GLIS3: variants seen among roughly 807,000 people sequenced by gnomAD.
GLIS3 encodes GLIS family zinc finger 3.
GLIS3 carries 53 observed loss-of-function variants against 78.6 expected under a neutral mutation model. The observed-to-expected ratio is 0.67, with a 90% CI of 0.54 to 0.85. GLIS3 has a LOEUF of 0.85. Among genes scored for constraint, GLIS3 ranks in the 40% least tolerant of loss-of-function variants. GLIS3 has a pLI of 0.00. For synonymous variants in GLIS3, 684 were observed against 509.9 expected (o/e 1.34, Z -4.60); for missense variants, 1,703 against 1,231.1 (o/e 1.38, Z -5.74).
At chr9:4,409,491 A>G in the GLIS3 span, among the ~76,000 whole-genome samples, 2,281 of 152,328 alleles carry the variant, frequency 0.015, 61 homozygotes, top group African/African-American at 0.052. Flanking sequence ...TGCCCTTGTC[A>G]TAATTACAGG....
At chr9:3,916,131 A>G (rs1417738248) in intron 6 of GLIS3, among the ~76,000 whole-genome samples, 4 of 152,236 alleles carry the variant, frequency 2.6e-5, no homozygotes, top group Non-Finnish European at 4.4e-5. Flanking sequence ...CATAGAAACT[A>G]AAGCCTGTGC....
intron 4 of GLIS3, among the ~76,000 whole-genome samples, chr9:3,965,822 A>G (rs561709350): frequency 4.5e-4 from 68 of 152,352 alleles, no homozygotes; most frequent in Non-Finnish European, 8.1e-4. Flanking sequence ...CTGCTTATTT[A>G]GACCCCAGGA....
chr9:4,214,359 C>T (rs999762080), intron 2 of GLIS3, among the ~76,000 whole-genome samples: 2 of 152,208 alleles, frequency 1.3e-5, no homozygotes, highest in African/African-American at 4.8e-5. Context: ...TAAGGAAAAA[C>T]ATCTTCTGGA....
chr9:4,118,442 C>G lies in GLIS3; in HGVS notation c.1036G>C (p.Glu346Gln), dbSNP rs779770600. ...ACGCCCAGGAAATGCCCGTAGACCT[C>G]CGGCTGCGGGGACAGGTTGGCCGGC... The part of the protein sequence containing the change: ...ASPANLSPQP[E>Q]VYGHFLGVRG... Residue 346 changes from glutamate to glutamine, a missense_variant, in exon 4 of 11, where the codon GAG becomes CAG. Glu to Gln is a conservative substitution (Grantham distance 29). Coordinates refer to ENST00000381971, the MANE Select transcript of GLIS3 (RefSeq NM_001042413.2). This position sits in a 1 kb window ranked among gnomAD's most constrained non-coding sequence, Gnocchi z 4.7. 6.2e-7 allele frequency: 1 copy of G among 1,612,534 alleles called. No homozygotes were observed.
At chr9:4,412,919 CCTATGTCAG>C in the GLIS3 span, among the ~76,000 whole-genome samples, 2 of 152,152 alleles carry the variant, frequency 1.3e-5, no homozygotes, top group African/African-American at 4.8e-5. Flanking sequence ...AGATGAAAGA[CCTATGTCAG>C]CTTGGATCCC....
chr9:3,834,946 T>G (rs1348314184), intron 9 of GLIS3, among the ~76,000 whole-genome samples: 1 of 152,186 alleles, frequency 6.6e-6, no homozygotes, highest in Non-Finnish European at 1.5e-5. Flanking sequence ...GGCCTAGCTC[T>G]CCATGTGCAC....
chr9:4,118,140 C>A lies in GLIS3; in HGVS notation c.1338G>T (p.Ala446=), dbSNP rs769275994. ...FPGSTVDLPP[A]PPLPPLPPPP... ...GCGGCGGCAGAGGAGGGAGCGGAGG[C>A]GCGGGGGGTAGGTCTACGGTGCTGC... is the stretch of plus-strand genomic sequence containing the variant. Residue 446 remains alanine (A), a synonymous_variant, in exon 4 of 11, where the codon GCG becomes GCT. Coordinates refer to ENST00000381971, the MANE Select transcript of GLIS3 (RefSeq NM_001042413.2). The surrounding 1 kb of genome is among the most constrained non-coding windows in gnomAD (Gnocchi z 4.7). The A allele has an allele frequency of 1.3e-6, 2 of 1,547,336 alleles. No individual in the cohort carries two copies. The highest frequency in any genetic ancestry group is 1.7e-6 in the Non-Finnish European group (2 of 1,145,730).
chr9:4,043,426 G>A (rs12552430), intron 4 of GLIS3, among the ~76,000 whole-genome samples: 45,568 of 151,934 alleles, frequency 0.3, 8,106 homozygotes, highest in Middle Eastern at 0.46. Flanking sequence ...ATTGAGCTGT[G>A]GTAGGATTCC....
chr9:4,213,462 T>C (rs1027827481), intron 2 of GLIS3, among the ~76,000 whole-genome samples: 1 of 152,244 alleles, frequency 6.6e-6, no homozygotes, highest in Non-Finnish European at 1.5e-5. Context: ...GAACTTCTGA[T>C]GATGATGGAA....
chr9:4,085,339 T>C (rs1456493071), intron 4 of GLIS3, among the ~76,000 whole-genome samples: 1 of 152,188 alleles, frequency 6.6e-6, no homozygotes, highest in African/African-American at 2.4e-5. Context: ...TTTCTTACTC[T>C]GCATTTTGAA....
the GLIS3 span, among the ~76,000 whole-genome samples, chr9:4,485,223 C>T: frequency 1.3e-5 from 2 of 152,086 alleles, no homozygotes; most frequent in Admixed American, 6.6e-5. Flanking sequence ...CCATGTTGGC[C>T]AGGCTGTTCT....
chr9:3,856,151 G>A lies in GLIS3; in HGVS notation c.2331C>T (p.Ile777=), dbSNP rs367576956. The A allele has an allele frequency of 3.1e-6, 5 of 1,614,126 alleles. No individual in the cohort carries two copies. The highest frequency in any genetic ancestry group is 4.2e-6 in the Non-Finnish European group (5 of 1,179,994). The stretch of plus-strand genomic sequence containing the variant: ...AAGGAGCTGGAACTCTCCGGGGGCT[G>A]ATGTGGTGAGGAGATGGAGCAGAAG... ...FAPSAPSPHH[I]SPRRVPAPSS... The change falls in exon 9 of 11, where the codon ATC becomes ATT. Residue 777 remains isoleucine (I), a synonymous_variant. Transcript: ENST00000381971.
the GLIS3 span, among the ~76,000 whole-genome samples, chr9:4,483,380 C>A: frequency 6.6e-6 from 1 of 152,260 alleles, no homozygotes; most frequent in East Asian, 1.9e-4. Flanking sequence ...CAACATGTAA[C>A]TCGGCTAGTT....
chr9:4,359,885 G>A, the GLIS3 span, among the ~76,000 whole-genome samples: 2 of 151,686 alleles, frequency 1.3e-5, no homozygotes, highest in East Asian at 3.9e-4. Context: ...TCTATGCTGA[G>A]ATGAATGTTA....
intron 4 of GLIS3, among the ~76,000 whole-genome samples, chr9:4,080,502 G>A (rs1218924130): frequency 6.6e-6 from 1 of 152,130 alleles, no homozygotes; most frequent in Non-Finnish European, 1.5e-5. Flanking sequence ...CTGCCCTGTT[G>A]TGCCATACTG....
At chr9:4,012,765 C>CTTTTTTTTTTTTTTTTTTTT (rs71324278) in intron 4 of GLIS3, among the ~76,000 whole-genome samples, 2 of 66,496 alleles carry the variant, frequency 3.0e-5, no homozygotes, top group Admixed American at 2.2e-4. Flanking sequence ...TTTTCTTTTT[C>CTTTTTTTTTTTTTTTTTTTT]TTTTTTTTTT....
chr9:4,415,795 ACTTTT>A, the GLIS3 span, among the ~76,000 whole-genome samples: 1 of 63,712 alleles, frequency 1.6e-5, no homozygotes, highest in Non-Finnish European at 3.0e-5. Context: ...AAAAATTTTA[ACTTTT>A]CTTTTTTTTA....
chr9:3,898,920 G>A, intron 6 of GLIS3, 85 bp from the exon 7 acceptor site: 2 of 1,579,472 alleles, frequency 1.3e-6, no homozygotes, highest in Non-Finnish European at 1.7e-6. Context: ...CTCTATCAGT[G>A]CAACTCAGCC....
chr9:4,426,691 A>C, the GLIS3 span, among the ~76,000 whole-genome samples: 1 of 152,220 alleles, frequency 6.6e-6, no homozygotes, highest in Admixed American at 6.5e-5. Flanking sequence ...TGAGGTCTGA[A>C]ACTAGAATGA....
Sources: allele counts gnomAD v4.1 joint callset (sites outside exome capture counted in the v4.1 genomes callset), GRCh38; gene constraint gnomAD v4.1.1; non-coding constraint Gnocchi (gnomAD v3.1); transcripts MANE v1.5; gene names NCBI Gene and HGNC (gene_info 2026-07-23, HGNC 2026-07-21).